The following PARD3B variants were observed in gnomAD, a reference collection of about 807,000 sequenced individuals.
The protein encoded by PARD3B is par-3 family cell polarity regulator beta, also known as partitioning defective 3 homolog B.
Under a neutral mutation model 130.2 loss-of-function variants are expected in PARD3B, and 103 were observed. The ratio of observed to expected loss-of-function variants is 0.79; its 90% CI spans 0.67 to 0.93. The LOEUF is 0.93. PARD3B is among the 40% of genes least tolerant of loss of function. The pLI, the probability that PARD3B is intolerant of heterozygous loss-of-function variation, is 0.00. For missense variants in PARD3B, 1,609 were observed against 1,499.2 expected (o/e 1.07, Z -1.21); for synonymous variants, 583 against 553.2 (o/e 1.05, Z -0.76).
At chr2:205,377,139 C>A (rs1211387124) in intron 18 of PARD3B, among the ~76,000 whole-genome samples, 1 of 152,118 alleles carries the variant, frequency 6.6e-6, no homozygotes, top group African/African-American at 2.4e-5. Flanking sequence ...GGACCACCAG[C>A]AAAGCCAAGT....
intron 18 of PARD3B, among the ~76,000 whole-genome samples, chr2:205,355,237 A>C (rs2044149701): frequency 2.0e-5 from 3 of 152,218 alleles, no homozygotes; most frequent in Admixed American, 6.5e-5. Flanking sequence ...ATGACGTACC[A>C]GTTCTGGTGA....
chr2:205,217,887 TA>T (rs1559553077), intron 15 of PARD3B, among the ~76,000 whole-genome samples: 1,779 of 103,330 alleles, frequency 0.017, 65 homozygotes, highest in Non-Finnish European at 0.024. Context: ...TATATATATA[TA>T]TATATATTTT....
intron 2 of PARD3B, among the ~76,000 whole-genome samples, chr2:204,706,662 G>A (rs1219632451): frequency 6.7e-6 from 1 of 148,390 alleles, no homozygotes; most frequent in Non-Finnish European, 1.5e-5. Flanking sequence ...TCACATTTTA[G>A]TGGAGGTAAA....
chr2:204,777,592 A>G (rs1574959135), intron 2 of PARD3B, among the ~76,000 whole-genome samples: 1 of 151,980 alleles, frequency 6.6e-6, no homozygotes, highest in East Asian at 1.9e-4. Flanking sequence ...ACATAGTGAG[A>G]CCCTGTCTCT....
At chr2:204,838,408 T>C (rs1464417529) in intron 2 of PARD3B, among the ~76,000 whole-genome samples, 1 of 150,664 alleles carries the variant, frequency 6.6e-6, no homozygotes, top group East Asian at 2.0e-4. Flanking sequence ...AGAGACGGGG[T>C]TTTGCCATGT....
intron 2 of PARD3B, among the ~76,000 whole-genome samples, chr2:204,806,403 A>C (rs894533950): frequency 1.6e-4 from 24 of 152,188 alleles, no homozygotes; most frequent in Admixed American, 1.6e-3. Context: ...GATAGTCTTC[A>C]ATAAATAGTG....
intron 3 of PARD3B, among the ~76,000 whole-genome samples, chr2:204,987,045 A>G (rs1271295913): frequency 6.6e-6 from 1 of 152,188 alleles, no homozygotes; most frequent in Non-Finnish European, 1.5e-5. Context: ...GTGTGGCTGT[A>G]TAGTATTGGT....
chr2:205,254,201 A>C (rs569869376), intron 16 of PARD3B, among the ~76,000 whole-genome samples: 1 of 151,640 alleles, frequency 6.6e-6, no homozygotes, highest in South Asian at 2.1e-4. Flanking sequence ...TGGAAAATCT[A>C]GTCTGCCAGG....
intron 18 of PARD3B, among the ~76,000 whole-genome samples, chr2:205,400,117 G>A (rs191883439): frequency 2.6e-5 from 4 of 152,266 alleles, no homozygotes; most frequent in Admixed American, 2.6e-4. Flanking sequence ...TGGAGCTCGG[G>A]AAGCCTGCTT....
At chr2:204,626,919 G>T (rs2034506682) in intron 1 of PARD3B, among the ~76,000 whole-genome samples, 1 of 152,010 alleles carries the variant, frequency 6.6e-6, no homozygotes, top group Admixed American at 6.6e-5. Context: ...ATCTCATCTT[G>T]AATTGTAATC....
At chr2:205,198,120 A>T (rs565546195) in intron 15 of PARD3B, among the ~76,000 whole-genome samples, 8 of 152,218 alleles carry the variant, frequency 5.3e-5, no homozygotes, top group Non-Finnish European at 1.2e-4. Context: ...CTGTAGCCCC[A>T]TTCAGAGTTA....
chr2:204,971,514 A>G (rs1026034531), intron 3 of PARD3B, among the ~76,000 whole-genome samples: 2 of 152,226 alleles, frequency 1.3e-5, no homozygotes, highest in Non-Finnish European at 2.9e-5. Context: ...CAATTTGGTC[A>G]TTGAGTTTCA....
At chr2:205,605,129 G>T (rs992810555) in intron 22 of PARD3B, among the ~76,000 whole-genome samples, 7 of 152,108 alleles carry the variant, frequency 4.6e-5, no homozygotes, top group African/African-American at 1.4e-4. Flanking sequence ...ATGGTTCTTA[G>T]CTTCTTTGCA....
chr2:204,639,239 A>G (rs1333316573), intron 1 of PARD3B, among the ~76,000 whole-genome samples: 1 of 152,228 alleles, frequency 6.6e-6, no homozygotes, highest in African/African-American at 2.4e-5. Context: ...TTATAGTGAA[A>G]GATGGGGCAG....
chr2:205,061,920 A>C (rs1289394250), intron 4 of PARD3B, among the ~76,000 whole-genome samples: 1 of 151,982 alleles, frequency 6.6e-6, no homozygotes, highest in Non-Finnish European at 1.5e-5. Context: ...TATTTTGTTT[A>C]AGTTGAAAAC....
rs2038742072 is a variant in PARD3B at position 205,229,808 on chromosome 2, A to G, written c.2141-15970A>G. 6.6e-6 allele frequency among the ~76,000 whole-genome samples: 1 copy of G among 152,050 alleles called. No individual in the cohort carries two copies. Among genetic ancestry groups the G allele is most frequent in the Admixed American group, 6.5e-5 (1 of 15,280 alleles). The stretch of plus-strand genomic sequence containing the variant: ...AGATGCCGTCCAGGAGCCAGGGCCT[A>G]GAGTCAGAAACCTTAGATGTCTACC... On this transcript the variant is annotated intron_variant, in intron 15 of 22. Transcript: ENST00000406610. The surrounding 1 kb of genome is among the most constrained non-coding windows in gnomAD (Gnocchi z 5.2).
intron 4 of PARD3B, among the ~76,000 whole-genome samples, chr2:205,073,044 C>T (rs889028707): frequency 4.6e-5 from 7 of 152,166 alleles, no homozygotes; most frequent in African/African-American, 7.2e-5. Flanking sequence ...AACATTTAAA[C>T]GGTATCCATG....
chr2:204,549,004 T>G (rs999645920), intron 1 of PARD3B, among the ~76,000 whole-genome samples: 2 of 152,182 alleles, frequency 1.3e-5, no homozygotes, highest in Non-Finnish European at 2.9e-5. Context: ...GGAAAGTAAG[T>G]GAAGTCCAAG....
intron 14 of PARD3B, among the ~76,000 whole-genome samples, chr2:205,192,004 C>T (rs1194596204): frequency 1.3e-5 from 2 of 152,104 alleles, no homozygotes; most frequent in Admixed American, 6.5e-5. Context: ...CAGGTGCATG[C>T]CACCACACCT....
Sources: gnomAD v4.1 joint callset for allele counts (sites outside exome capture counted in the v4.1 genomes callset) on GRCh38, gnomAD v4.1.1 for gene constraint, Gnocchi (gnomAD v3.1) non-coding constraint, MANE v1.5 for transcripts, NCBI Gene and HGNC (gene_info 2026-07-23, HGNC 2026-07-21) for gene names.